Variants in FBXW8 observed in about 807,000 individuals in gnomAD.
The protein encoded by FBXW8 is F-box and WD repeat domain containing 8.
A neutral mutation model predicts 65.3 loss-of-function variants in FBXW8; 57 were observed. That is an observed-to-expected ratio of 0.87 (90% CI 0.71 to 1.09). The LOEUF is 1.09. Among genes scored for constraint, FBXW8 ranks in the 50% least tolerant of loss-of-function variants. FBXW8 has a pLI of 0.00. For synonymous variants in FBXW8, 308 were observed against 330.2 expected (o/e 0.93, Z 0.73); for missense variants, 777 against 814.8 (o/e 0.95, Z 0.57).
intron 5 of FBXW8, among the ~76,000 whole-genome samples, chr12:116,971,508 G>A (rs568091782): frequency 6.6e-6 from 1 of 152,146 alleles, no homozygotes; most frequent in East Asian, 1.9e-4. Flanking sequence ...CTGTATTAGG[G>A]GCTGGAGGAA....
At chr12:116,935,165 G>T (rs1409908070) in intron 2 of FBXW8, among the ~76,000 whole-genome samples, 1 of 152,126 alleles carries the variant, frequency 6.6e-6, no homozygotes, top group East Asian at 1.9e-4. Context: ...AGAAAAAGAG[G>T]GAAGATGCAG....
At chr12:116,915,589 A>G (rs1451983313) in intron 1 of FBXW8, among the ~76,000 whole-genome samples, 2 of 148,766 alleles carry the variant, frequency 1.3e-5, no homozygotes, top group Non-Finnish European at 3.0e-5. Context: ...ACCCAGGGGT[A>G]ACCACTCACC....
chr12:116,988,947 C>T (rs1235384625), intron 7 of FBXW8, 78 bp downstream of exon 7: 6 of 1,377,370 alleles, frequency 4.4e-6, no homozygotes, highest in Non-Finnish European at 6.0e-6. Flanking sequence ...AAAATTAAAG[C>T]TCTTCAATAT....
chr12:116,970,031 G>A (rs564722428), intron 5 of FBXW8, among the ~76,000 whole-genome samples: 92 of 152,344 alleles, frequency 6.0e-4, no homozygotes, highest in African/African-American at 2.1e-3. Context: ...TAAAGCAGGC[G>A]AAGGTTCTGA....
At chr12:116,937,390 G>A (rs970332111) in intron 2 of FBXW8, among the ~76,000 whole-genome samples, 95 of 152,206 alleles carry the variant, frequency 6.2e-4, no homozygotes, top group African/African-American at 2.1e-3. Context: ...TGGAGCCCTG[G>A]TGCTCCACAA....
intron 1 of FBXW8, among the ~76,000 whole-genome samples, chr12:116,920,855 T>G (rs1411905380): frequency 3.3e-5 from 5 of 152,212 alleles, no homozygotes; most frequent in Non-Finnish European, 4.4e-5. Context: ...TGAACATCTT[T>G]ACTCTTTTCA....
At chr12:116,919,943 A>G (rs1880752410) in intron 1 of FBXW8, among the ~76,000 whole-genome samples, 2 of 152,224 alleles carry the variant, frequency 1.3e-5, no homozygotes, top group African/African-American at 4.8e-5. Flanking sequence ...TTTTAAGTTA[A>G]ACACAAATAA....
At chr12:117,026,990 G>C (rs1051625507) in intron 9 of FBXW8, among the ~76,000 whole-genome samples, 7 of 152,116 alleles carry the variant, frequency 4.6e-5, no homozygotes, top group African/African-American at 1.7e-4. Context: ...AACAGTGAAC[G>C]TGCCCCCAGT....
Position 117,028,044 on chromosome 12 carries a change from C to T in FBXW8, c.1669C>T (p.Arg557Cys), listed in dbSNP as rs569559960. 2.8e-5 allele frequency: 46 copies of T among 1,614,050 alleles called. No individual in the cohort carries two copies. The highest frequency in any genetic ancestry group is 2.4e-4 in the South Asian group (22 of 91,088). Residue 557 changes from arginine (R) to cysteine (C), a missense_variant, in exon 11 of 11, where the codon CGC (arginine) becomes TGC (cysteine). Arg to Cys is a radical substitution (Grantham distance 180). Transcript: ENST00000652555. This position sits in a 1 kb window ranked among gnomAD's most constrained non-coding sequence, Gnocchi z 4.1. ...TTHRRHRGLI[R>C]AYEFAVDQLA... ...TCTTTCTAGACACCGGGGGCTGATC[C>T]GCGCCTATGAGTTTGCGGTGGACCA...
intron 5 of FBXW8, among the ~76,000 whole-genome samples, chr12:116,975,530 A>G (rs758359366): frequency 6.4e-4 from 98 of 152,212 alleles, no homozygotes; most frequent in African/African-American, 2.2e-3. Context: ...GGGGGACACA[A>G]CATTCAGATG....
At chr12:116,987,376 G>GA (rs1565928427) in intron 6 of FBXW8, 1 of 152,310 alleles carries the variant, frequency 6.6e-6, no homozygotes, top group Non-Finnish European at 1.5e-5. Context: ...AGCCTGTTGC[G>GA]AACGGCACCG....
In FBXW8 at chr12:116,988,724, G is replaced by C. The variant is rs1953160721; in HGVS notation, c.1094G>C (p.Gly365Ala). 5.0e-6 allele frequency: 8 copies of C among 1,613,982 alleles called. No homozygotes were observed. Among genetic ancestry groups the C allele is most frequent in the South Asian group, 2.2e-5 (2 of 91,072 alleles). ...TACCCTGTGGCAGTAGCCGCTGCTG[G>C]AGATCTGATGTACCTGCTCAAAGCC... ...RRYPVAVAAA[G>A]DLMYLLKAED... The change falls in exon 7 of 11, where the codon GGA (glycine) becomes GCA (alanine). Residue 365 changes from glycine to alanine, a missense_variant. By Grantham distance (60) the Gly-to-Ala change is moderately conservative. Transcript: ENST00000652555.
chr12:116,914,707 C>G lies in FBXW8; in HGVS notation c.318+3352C>G, dbSNP rs549851365. On this transcript the variant is annotated intron_variant, in intron 1 of 10. Coordinates refer to ENST00000652555, the MANE Select transcript of FBXW8 (RefSeq NM_153348.3). Reference sequence around the variant, plus strand: ...CCTAACCAACAAGGAGAAACTCTGTCTCTACTAAAAATACAAAATTAGCCA... The same window carrying G: ...CCTAACCAACAAGGAGAAACTCTGTGTCTACTAAAAATACAAAATTAGCCA... Among the ~76,000 whole-genome samples, 15 of 151,952 alleles carry G rather than the reference C, an allele frequency of 9.9e-5. No homozygotes were observed. The South Asian group carries it at 1.5e-3, about 15-fold the overall frequency.
At chr12:117,005,456 G>T (rs981447366) in intron 7 of FBXW8, among the ~76,000 whole-genome samples, 2 of 152,192 alleles carry the variant, frequency 1.3e-5, no homozygotes, top group Admixed American at 6.5e-5. Context: ...TGAAACCTAG[G>T]AGAGTGTTAC....
At chr12:116,921,774 T>C (rs1013229637) in intron 1 of FBXW8, among the ~76,000 whole-genome samples, 18 of 151,276 alleles carry the variant, frequency 1.2e-4, no homozygotes, top group Non-Finnish European at 2.7e-4. Context: ...TCTTTAGTAA[T>C]ATAATTGCTT....
intron 8 of FBXW8, among the ~76,000 whole-genome samples, chr12:117,023,381 T>C (rs770595541): frequency 5.3e-5 from 8 of 152,228 alleles, no homozygotes; most frequent in Non-Finnish European, 1.0e-4. Flanking sequence ...TTTACATTTA[T>C]TAAATGTAAT....
At chr12:116,918,479 T>C (rs1565896341) in intron 1 of FBXW8, among the ~76,000 whole-genome samples, 1 of 152,230 alleles carries the variant, frequency 6.6e-6, no homozygotes, top group Non-Finnish European at 1.5e-5. Context: ...CTAAGGTAAG[T>C]AGGATTTGCC....
chr12:117,020,042 G>A (rs1357057749), intron 8 of FBXW8, among the ~76,000 whole-genome samples: 2 of 152,222 alleles, frequency 1.3e-5, no homozygotes, highest in African/African-American at 2.4e-5. Flanking sequence ...TCTGGGGGCC[G>A]CCCACACACG....
rs977745291 is a variant in FBXW8 at position 116,985,475 on chromosome 12, G to A, written c.1032+73G>A. 4 of 1,448,840 alleles carry A rather than the reference G, an allele frequency of 2.8e-6. No individual in the cohort carries two copies. The Admixed American group carries it at 8.3e-5, about 30-fold the overall frequency. 89.7% of individuals were successfully genotyped at this position (1,448,840 alleles called of 1,614,324 possible). A position where few individuals can be genotyped will look rare whatever the true frequency, so the allele number is the denominator to read the frequency against. On this transcript the variant is annotated intron_variant, in intron 6 of 10. Transcript: ENST00000652555. ...GGGTCTAATGTAAGCACGTACTAATGGTGTTGGTAACTCCCATTCACTCAG... is the reference window on the plus strand; with the variant it reads ...GGGTCTAATGTAAGCACGTACTAATAGTGTTGGTAACTCCCATTCACTCAG...
Sources: allele counts gnomAD v4.1 joint callset (sites outside exome capture counted in the v4.1 genomes callset), GRCh38; gene constraint gnomAD v4.1.1; non-coding constraint Gnocchi (gnomAD v3.1); transcripts MANE v1.5; gene names NCBI Gene and HGNC (gene_info 2026-07-23, HGNC 2026-07-21).